RNLS: variants seen among roughly 807,000 people sequenced by gnomAD.
The protein encoded by RNLS is renalase, FAD dependent amine oxidase.
RNLS carries 39 observed loss-of-function variants against 39.8 expected under a neutral mutation model. That is an observed-to-expected ratio of 0.98 (90% CI 0.76 to 1.28). RNLS has a LOEUF of 1.28. RNLS is among the 50% of genes most tolerant of loss of function. The pLI, the probability that RNLS is intolerant of heterozygous loss-of-function variation, is 0.00. For missense variants in RNLS, 410 were observed against 413.3 expected, an observed-to-expected ratio of 0.99 and a Z score of 0.07; for synonymous variants, 147 against 150.7, an observed-to-expected ratio of 0.98 and a Z score of 0.18.
the RNLS span, among the ~76,000 whole-genome samples, chr10:88,265,611 C>G: frequency 1.3e-5 from 2 of 151,880 alleles, no homozygotes; most frequent in African/African-American, 4.8e-5. Flanking sequence ...TATTTTGCAG[C>G]TATCGTGAAA....
At chr10:88,407,438 T>C (rs146001628) in intron 4 of RNLS, among the ~76,000 whole-genome samples, 72 of 151,980 alleles carry the variant, frequency 4.7e-4, no homozygotes, top group African/African-American at 1.7e-3. Flanking sequence ...TGGTTATATA[T>C]GGATTGATGT....
rs75383459 is a variant in RNLS, at chr10:88,463,426, C to T, written c.527-100701G>A. ...CCCAAAATCCTCAGAAGGAACTAAC[C>T]GTACCAATGCTATGAAGACTTCTAG... is the stretch of plus-strand genomic sequence containing the variant. On this transcript the variant is annotated intron_variant, in intron 4 of 6. Coordinates refer to ENST00000331772, the MANE Select transcript of RNLS (RefSeq NM_001031709.3). Among the ~76,000 whole-genome samples, 317 of 152,070 alleles carry T rather than the reference C, an allele frequency of 2.1e-3. 6 individuals are homozygous for T. In the East Asian group the frequency reaches 0.055, roughly 26 times the overall value.
chr10:88,419,697 T>C lies in RNLS; in HGVS notation c.527-56972A>G, dbSNP rs1008122725. Among the ~76,000 whole-genome samples, 3 of 152,122 alleles carry C rather than the reference T, an allele frequency of 2.0e-5. No homozygotes were observed. In the East Asian group the frequency reaches 5.8e-4, roughly 29 times the overall value. ...TTCCTCATGATTCCTTTCTGCTGCA[T>C]AAAGACACTTAATAAAAAAGGCACT... On this transcript the variant is annotated intron_variant, in intron 4 of 6. Coordinates refer to ENST00000331772, the MANE Select transcript of RNLS (RefSeq NM_001031709.3).
intron 4 of RNLS, among the ~76,000 whole-genome samples, chr10:88,554,210 T>C (rs1034134470): frequency 6.6e-6 from 1 of 152,088 alleles, no homozygotes; most frequent in African/African-American, 2.4e-5. Flanking sequence ...TGTTATTCTA[T>C]GTTCTTATTT....
the RNLS span, among the ~76,000 whole-genome samples, chr10:88,186,843 T>C: frequency 6.6e-6 from 1 of 152,120 alleles, no homozygotes. Flanking sequence ...TCCAGCAACC[T>C]TAATTTATGG....
chr10:88,229,556 A>T, the RNLS span, among the ~76,000 whole-genome samples: 4 of 152,234 alleles, frequency 2.6e-5, no homozygotes, highest in African/African-American at 9.7e-5. Flanking sequence ...TAAAGTCTAT[A>T]ATTCAATGGC....
the RNLS span, among the ~76,000 whole-genome samples, chr10:88,197,151 G>T: frequency 3.9e-5 from 6 of 152,310 alleles, no homozygotes; most frequent in East Asian, 1.9e-4. Flanking sequence ...CTTTGGCAAG[G>T]CCATTTTGTT....
chr10:88,350,392 C>A (rs1235308699), intron 5 of RNLS, among the ~76,000 whole-genome samples: 2 of 152,122 alleles, frequency 1.3e-5, no homozygotes, highest in African/African-American at 2.4e-5. Context: ...TCCTCCCACC[C>A]CATGACATGC....
intron 6 of RNLS, among the ~76,000 whole-genome samples, chr10:88,297,960 G>A (rs1844210355): frequency 1.3e-5 from 2 of 152,112 alleles, no homozygotes; most frequent in Non-Finnish European, 2.9e-5. Flanking sequence ...CAAAGTACAA[G>A]TGTTCCATTT....
chr10:88,338,712 T>C (rs1158690828), intron 5 of RNLS, among the ~76,000 whole-genome samples: 1 of 152,118 alleles, frequency 6.6e-6, no homozygotes, highest in Non-Finnish European at 1.5e-5. Context: ...TGCCATGAGT[T>C]TGAATATCAC....
chr10:88,300,638 C>A (rs1406303324), intron 6 of RNLS, among the ~76,000 whole-genome samples: 1 of 152,092 alleles, frequency 6.6e-6, no homozygotes, highest in Non-Finnish European at 1.5e-5. Context: ...TGTACTATAT[C>A]AGGATTATGT....
chr10:88,355,231 G>A (rs1478520841), intron 5 of RNLS, among the ~76,000 whole-genome samples: 6 of 152,168 alleles, frequency 3.9e-5, no homozygotes, highest in African/African-American at 9.7e-5. Context: ...GTCATTCTCT[G>A]TCCTGTTTTG....
chr10:88,285,328 A>G lies in RNLS; in HGVS notation c.*26T>C, dbSNP rs773553907. 6.5e-7 allele frequency: 1 copy of G among 1,543,018 alleles called. No homozygotes were observed. The highest frequency in any genetic ancestry group is 8.8e-7 in the Non-Finnish European group (1 of 1,139,110). ...AATTGTGAAAATAAAAACCCAATAC[A>G]CATGTAGAGAATAAGGATATAGGCA... On this transcript the variant is annotated 3_prime_UTR_variant, in exon 7 of 7. Transcript: ENST00000331772.
the RNLS span, among the ~76,000 whole-genome samples, chr10:88,181,760 T>C: frequency 6.6e-6 from 1 of 152,178 alleles, no homozygotes; most frequent in Non-Finnish European, 1.5e-5. Flanking sequence ...AGAAAGGCCA[T>C]CATTCTTTTC....
intron 4 of RNLS, among the ~76,000 whole-genome samples, chr10:88,495,980 T>C (rs1373579063): frequency 4.6e-5 from 7 of 152,000 alleles, no homozygotes; most frequent in Admixed American, 6.6e-5. Flanking sequence ...AAAGTCGTGG[T>C]TGGGGATGCA....
chr10:88,388,255 G>A (rs958598398), intron 4 of RNLS, among the ~76,000 whole-genome samples: 2 of 152,068 alleles, frequency 1.3e-5, no homozygotes, highest in Admixed American at 6.6e-5. Flanking sequence ...CTTGAATAAG[G>A]CTACTCTGTT....
At chr10:88,437,134 A>G (rs1841454204) in intron 4 of RNLS, among the ~76,000 whole-genome samples, 1 of 152,226 alleles carries the variant, frequency 6.6e-6, no homozygotes, top group Non-Finnish European at 1.5e-5. Flanking sequence ...AAGACATTTT[A>G]GCATTATTTT....
chr10:88,319,632 A>G lies in RNLS; in HGVS notation c.701-4991T>C, dbSNP rs572134281. On this transcript the variant is annotated intron_variant, in intron 5 of 6. Coordinates refer to ENST00000331772, the MANE Select transcript of RNLS (RefSeq NM_001031709.3). Reference sequence around the variant, plus strand: ...CTGGAATGAAAAAATTCATGGAAAGAATTTCAAAATACAGTTGGAAGCTTT... The same window carrying G: ...CTGGAATGAAAAAATTCATGGAAAGGATTTCAAAATACAGTTGGAAGCTTT... Among the ~76,000 whole-genome samples the G allele has an allele frequency of 3.9e-5, 6 of 152,192 alleles. No homozygotes were observed. In the East Asian group the frequency reaches 1.2e-3, roughly 29 times the overall value.
chr10:88,253,178 CTG>C, the RNLS span, among the ~76,000 whole-genome samples: 1 of 152,200 alleles, frequency 6.6e-6, no homozygotes, highest in African/African-American at 2.4e-5. Context: ...GATTTACCCA[CTG>C]TATTTCAGAG....
Sources: allele counts gnomAD v4.1 joint callset (sites outside exome capture counted in the v4.1 genomes callset), GRCh38; gene constraint gnomAD v4.1.1; transcripts MANE v1.5; gene names NCBI Gene and HGNC (gene_info 2026-07-23, HGNC 2026-07-21).